ALDH1A2: variants seen among roughly 807,000 people sequenced by gnomAD.
ALDH1A2 encodes aldehyde dehydrogenase 1 family member A2.
ALDH1A2 carries 27 observed loss-of-function variants against 60.3 expected under a neutral mutation model. That is an observed-to-expected ratio of 0.45 (90% CI 0.33 to 0.62). ALDH1A2 has a LOEUF of 0.62. Among genes scored for constraint, ALDH1A2 ranks in the 20% least tolerant of loss-of-function variants. The probability of loss-of-function intolerance (pLI) is 0.02; values close to 1 mark genes in which losing one functional copy is unlikely to be tolerated. For missense variants in ALDH1A2, 581 were observed against 643.8 expected, an observed-to-expected ratio of 0.90 and a Z score of 1.06; for synonymous variants, 289 against 232.4, an observed-to-expected ratio of 1.24 and a Z score of -2.21.
intron 1 of ALDH1A2, among the ~76,000 whole-genome samples, chr15:58,044,341 T>G (rs1403125704): frequency 6.6e-6 from 1 of 151,932 alleles, no homozygotes; most frequent in Non-Finnish European, 1.5e-5. Flanking sequence ...GTGTGTGATG[T>G]TCCCCTCCCT....
chr15:58,026,543 G>A (rs1268866500), intron 1 of ALDH1A2, among the ~76,000 whole-genome samples: 22 of 152,298 alleles, frequency 1.4e-4, no homozygotes, highest in African/African-American at 4.8e-4. Flanking sequence ...CCCACAGAGG[G>A]TGAGCCAACG....
At chr15:58,027,278 C>T (rs990537935) in intron 1 of ALDH1A2, among the ~76,000 whole-genome samples, 7 of 152,182 alleles carry the variant, frequency 4.6e-5, no homozygotes, top group Admixed American at 2.6e-4. Flanking sequence ...CAGCAAACTC[C>T]AACAGACCTG....
At chr15:57,992,087 A>G (rs2140490375) in intron 7 of ALDH1A2, among the ~76,000 whole-genome samples, 1 of 152,334 alleles carries the variant, frequency 6.6e-6, no homozygotes, top group Middle Eastern at 3.4e-3. Context: ...TAATCCATAC[A>G]AATTATGTAA....
intron 1 of ALDH1A2, chr15:58,014,582 GC>G: frequency 2.1e-6 from 1 of 476,672 alleles, no homozygotes; most frequent in East Asian, 6.2e-5. Flanking sequence ...TGATGCTAAG[GC>G]AAGAGTTATC....
chr15:57,963,762 G>T, intron 9 of ALDH1A2, 123 bp downstream of exon 9: 3 of 962,262 alleles, frequency 3.1e-6, no homozygotes, highest in African/African-American at 1.6e-5. Flanking sequence ...ACGAAGACAT[G>T]GTGGAGAATA....
intron 7 of ALDH1A2, among the ~76,000 whole-genome samples, chr15:57,987,567 A>G (rs567209703): frequency 1.0e-3 from 152 of 152,140 alleles, no homozygotes; most frequent in Non-Finnish European, 1.7e-3. Flanking sequence ...TTATATCCAG[A>G]AAAAAAAGTT....
intron 1 of ALDH1A2, among the ~76,000 whole-genome samples, chr15:58,037,569 T>C (rs1001150920): frequency 6.6e-6 from 1 of 151,762 alleles, no homozygotes; most frequent in Non-Finnish European, 1.5e-5. Context: ...CCTGAAAACA[T>C]GGACAGCCCA....
At chr15:57,962,522 T>C (rs933498574) in intron 9 of ALDH1A2, among the ~76,000 whole-genome samples, 1 of 152,196 alleles carries the variant, frequency 6.6e-6, no homozygotes, top group East Asian at 1.9e-4. Context: ...TATAATTAAA[T>C]GAGTAACTTA....
In ALDH1A2 at chr15:57,963,894, CTGCTCAG is replaced by C; in HGVS notation, c.1070_1076del (p.Thr357ArgfsTer68). 1 of 1,614,190 alleles carries C rather than the reference CTGCTCAG, an allele frequency of 6.2e-7. No homozygotes were observed. Among genetic ancestry groups the C allele is most frequent in the Non-Finnish European group, 8.5e-7 (1 of 1,180,024 alleles). The stretch of plus-strand genomic sequence containing the variant: ...GTTATGATTTTTCTACCTGGGGACC[CTGCTCAG>C]TGGTGGGGTCAAAGGGACTCCCCAC... On this transcript the variant is annotated frameshift_variant, in exon 9 of 13. Transcript: ENST00000249750. LOFTEE classifies it high-confidence loss of function.
chr15:57,987,909 C>CA (rs1894762907), intron 7 of ALDH1A2, among the ~76,000 whole-genome samples: 2 of 143,072 alleles, frequency 1.4e-5, no homozygotes, highest in African/African-American at 5.1e-5. Flanking sequence ...AAGGTGAAGA[C>CA]AAAATGAAGC....
chr15:58,053,040 G>T (rs1052337557), intron 1 of ALDH1A2, among the ~76,000 whole-genome samples: 1 of 152,010 alleles, frequency 6.6e-6, no homozygotes, highest in Non-Finnish European at 1.5e-5. Flanking sequence ...CATCAAACAC[G>T]AAGATGTATG....
intron 1 of ALDH1A2, 38 bp from the exon 2 acceptor site, chr15:58,014,319 G>T: frequency 6.6e-7 from 1 of 1,520,970 alleles, no homozygotes. Context: ...CTGTGACACA[G>T]GTGATAAGCA....
chr15:58,007,030 A>AAT (rs1895482445), intron 4 of ALDH1A2, among the ~76,000 whole-genome samples: 1 of 151,856 alleles, frequency 6.6e-6, no homozygotes, highest in Non-Finnish European at 1.5e-5. Flanking sequence ...TTACAGAGAA[A>AAT]ATACATGTGT....
At chr15:57,979,495 G>T (rs1261869626) in intron 7 of ALDH1A2, among the ~76,000 whole-genome samples, 1 of 152,060 alleles carries the variant, frequency 6.6e-6, no homozygotes, top group African/African-American at 2.4e-5. Context: ...CACATATTGG[G>T]ATATGGCCTT....
In ALDH1A2 at chr15:57,961,175, G is replaced by T. The variant is rs201017534; in HGVS notation, c.1371C>A (p.Ala457=). 40 of 1,613,914 alleles carry T rather than the reference G, an allele frequency of 2.5e-5. No individual in the cohort carries two copies. The highest frequency in any genetic ancestry group is 3.2e-5 in the Non-Finnish European group (38 of 1,179,994). The change falls in exon 11 of 13, where the codon GCC becomes GCA. Residue 457 remains alanine, a synonymous_variant. Transcript: ENST00000249750. The part of the protein sequence containing the change: ...AAVFTNDINK[A]LTVSSAMQAG... ...CTTGCATTGCAGAAGACACTGTGAG[G>T]GCCTTGTTGATGTCATTAGTAAAGA...
At chr15:58,013,155 C>G (rs1432120447) in intron 3 of ALDH1A2, among the ~76,000 whole-genome samples, 1 of 152,194 alleles carries the variant, frequency 6.6e-6, no homozygotes, top group Non-Finnish European at 1.5e-5. Context: ...GCAAACGGAG[C>G]AGAAGTGTAT....
chr15:58,029,308 G>A (rs1256112446), intron 1 of ALDH1A2, among the ~76,000 whole-genome samples: 4 of 152,076 alleles, frequency 2.6e-5, no homozygotes, highest in Non-Finnish European at 4.4e-5. Flanking sequence ...GGTAAATAAC[G>A]AAATGAAGGC....
At position 57,954,383 on chromosome 15, in the gene ALDH1A2, T is replaced by C. The variant is rs375753449; in HGVS notation, c.*814A>G. 9 of 152,902 alleles carry C rather than the reference T, an allele frequency of 5.9e-5. No homozygotes were observed. Among genetic ancestry groups the C allele is most frequent in the African/African-American group, 2.2e-4 (9 of 41,570 alleles). 9.5% of individuals were successfully genotyped at this position (152,902 alleles called of 1,614,324 possible). ...GTTCTAAGAAAAACTTTGGAAAAGA[T>C]CTTATCTAGCTATGAAAAACAACCC... is the stretch of plus-strand genomic sequence containing the variant. On this transcript the variant is annotated 3_prime_UTR_variant, in exon 13 of 13. Transcript: ENST00000249750.
intron 7 of ALDH1A2, among the ~76,000 whole-genome samples, chr15:57,989,654 C>G (rs1198535637): frequency 6.6e-6 from 1 of 151,610 alleles, no homozygotes; most frequent in East Asian, 1.9e-4. Flanking sequence ...TTGCTCCAAC[C>G]TGTATATATG....
Sources: allele counts gnomAD v4.1 joint callset (sites outside exome capture counted in the v4.1 genomes callset), GRCh38; gene constraint gnomAD v4.1.1; transcripts MANE v1.5; gene names NCBI Gene and HGNC (gene_info 2026-07-23, HGNC 2026-07-21).